AXDND1: variants seen among roughly 807,000 people sequenced by gnomAD.
AXDND1 encodes axonemal dynein light chain domain-containing protein 1.
AXDND1 carries 110 observed loss-of-function variants against 137.5 expected under a neutral mutation model. The ratio of observed to expected loss-of-function variants is 0.80; its 90% confidence interval spans 0.69 to 0.94. The LOEUF (loss-of-function observed/expected upper bound fraction) is 0.94, where lower values mean the gene tolerates loss of function less well. Ranked by LOEUF, AXDND1 falls within the 40% of genes least tolerant of loss-of-function variation. AXDND1 has a pLI of 0.00. For missense variants in AXDND1, 1,191 were observed against 1,169.8 expected (o/e 1.02, Z -0.26); for synonymous variants, 414 against 399.7 (o/e 1.04, Z -0.43).
intron 11 of AXDND1, among the ~76,000 whole-genome samples, chr1:179,408,135 C>G (rs957498500): frequency 3.3e-5 from 5 of 152,058 alleles, no homozygotes; most frequent in Non-Finnish European, 5.9e-5. Flanking sequence ...TGATACCTGT[C>G]TCTGTTGAGT....
intron 17 of AXDND1, among the ~76,000 whole-genome samples, chr1:179,476,823 A>G (rs1270648521): frequency 4.6e-5 from 7 of 152,174 alleles, no homozygotes; most frequent in Admixed American, 3.9e-4. Context: ...TCTCATATAT[A>G]AGTTTGTAGA....
At chr1:179,478,412 T>G (rs983792401) in intron 17 of AXDND1, among the ~76,000 whole-genome samples, 1 of 152,262 alleles carries the variant, frequency 6.6e-6, no homozygotes, top group Non-Finnish European at 1.5e-5. Flanking sequence ...GATTTTTGGC[T>G]TCTGTGCATC....
chr1:179,455,053 G>A (rs113179545), intron 16 of AXDND1: 9,273 of 149,748 alleles, frequency 0.062, 336 homozygotes, highest in African/African-American at 0.069. Context: ...CGGAGATCGT[G>A]CCACTGCACT....
chr1:179,526,216 C>T (rs1161651982), intron 22 of AXDND1, among the ~76,000 whole-genome samples: 4 of 151,974 alleles, frequency 2.6e-5, no homozygotes, highest in African/African-American at 4.8e-5. Context: ...TCTCAACCCC[C>T]GCAGGGGCAT....
In AXDND1 at chr1:179,414,570, C is replaced by A. The variant is rs553705851; in HGVS notation, c.1230+3304C>A. Among the ~76,000 whole-genome samples, 25 of 152,166 alleles carry A rather than the reference C, an allele frequency of 1.6e-4. 1 individual carries two copies. In the South Asian group the frequency reaches 2.5e-3, roughly 15 times the overall value. ...CCTCCTGTGTAGCTGGGACTACAGGCGCCCGCCACCTCGCCTGGCTAATTT... is the reference window on the plus strand; with the variant it reads ...CCTCCTGTGTAGCTGGGACTACAGGAGCCCGCCACCTCGCCTGGCTAATTT... On this transcript the variant is annotated intron_variant, in intron 12 of 25. Transcript: ENST00000367618.
chr1:179,456,992 T>C, intron 16 of AXDND1: 1 of 1,568,380 alleles, frequency 6.4e-7, no homozygotes, highest in Non-Finnish European at 8.7e-7. Flanking sequence ...TTCTTCAGTG[T>C]CTTCTTTAAT....
chr1:179,457,829 T>A (rs1311884531), intron 16 of AXDND1, among the ~76,000 whole-genome samples: 2 of 152,184 alleles, frequency 1.3e-5, no homozygotes, highest in Non-Finnish European at 2.9e-5. Context: ...CGTTTTACTT[T>A]CAGCCATGGA....
chr1:179,489,057 G>A (rs528869240), intron 18 of AXDND1, among the ~76,000 whole-genome samples: 2 of 131,896 alleles, frequency 1.5e-5, no homozygotes, highest in South Asian at 4.3e-4. Flanking sequence ...TATCAGCTAA[G>A]AAGTGGCTAA....
intron 21 of AXDND1, among the ~76,000 whole-genome samples, chr1:179,510,322 C>G (rs1668914879): frequency 6.6e-6 from 1 of 152,118 alleles, no homozygotes; most frequent in South Asian, 2.1e-4. Context: ...GCGTTCTCCT[C>G]CAGTAAATTC....
chr1:179,445,324 C>A, intron 16 of AXDND1, 120 bp downstream of exon 16: 1 of 697,138 alleles, frequency 1.4e-6, no homozygotes. Flanking sequence ...AAAAACCAAG[C>A]AAAATAAGCA....
At position 179,439,925 on chromosome 1, in the gene AXDND1, G is replaced by A. The variant is rs564576597; in HGVS notation, c.1564-5045G>A. 8.5e-5 allele frequency among the ~76,000 whole-genome samples: 13 copies of A among 152,282 alleles called. No homozygotes were observed. The East Asian group carries it at 1.2e-3, about 14-fold the overall frequency. On this transcript the variant is annotated intron_variant, in intron 15 of 25. Transcript: ENST00000367618. The stretch of plus-strand genomic sequence containing the variant: ...AACACAAGCATACCCTTGTCCCTAC[G>A]TCAGTAAATCCACTGGACCTTTCCA...
intron 25 of AXDND1, among the ~76,000 whole-genome samples, chr1:179,540,574 C>G (rs1672030879): frequency 6.6e-6 from 1 of 152,194 alleles, no homozygotes; most frequent in Non-Finnish European, 1.5e-5. Context: ...AGCTTCGTCC[C>G]AGAGGGGCAC....
intron 11 of AXDND1, among the ~76,000 whole-genome samples, chr1:179,397,737 T>C (rs1651295515): frequency 1.3e-5 from 2 of 152,248 alleles, no homozygotes; most frequent in Non-Finnish European, 2.9e-5. Flanking sequence ...AGAAAACCAG[T>C]CTTCAAGTTC....
intron 17 of AXDND1, among the ~76,000 whole-genome samples, chr1:179,475,635 A>G (rs1016723558): frequency 3.3e-5 from 5 of 151,950 alleles, no homozygotes; most frequent in Non-Finnish European, 7.4e-5. Flanking sequence ...TGTTTTTTTT[A>G]TTTTACAGGC....
At chr1:179,436,590 A>G (rs1197613985) in intron 15 of AXDND1, among the ~76,000 whole-genome samples, 1 of 152,190 alleles carries the variant, frequency 6.6e-6, no homozygotes, top group Admixed American at 6.5e-5. Context: ...TAACACAGGA[A>G]CAGAAAACAA....
chr1:179,428,900 C>T (rs12124728), intron 12 of AXDND1, among the ~76,000 whole-genome samples: 18,409 of 152,118 alleles, frequency 0.12, 1,299 homozygotes, highest in East Asian at 0.35. Flanking sequence ...TACTTTCTGC[C>T]GGGCGTGGTG....
intron 21 of AXDND1, among the ~76,000 whole-genome samples, chr1:179,517,904 C>T (rs1669694131): frequency 6.6e-6 from 1 of 152,222 alleles, no homozygotes; most frequent in Non-Finnish European, 1.5e-5. Context: ...TAAAATTTCT[C>T]ACGTGAGCCT....
chr1:179,445,267 C>T (rs1659573828), intron 16 of AXDND1, 63 bp downstream of exon 16: 1 of 1,105,544 alleles, frequency 9.0e-7, no homozygotes. Flanking sequence ...TAATTATTTT[C>T]AATACAATGA....
chr1:179,525,474 C>T (rs1197026504), intron 22 of AXDND1, 27 bp downstream of exon 22: 4 of 1,546,894 alleles, frequency 2.6e-6, no homozygotes, highest in Non-Finnish European at 3.5e-6. Flanking sequence ...TTTGTTTTTC[C>T]TCCTACATAC....
Sources: gnomAD v4.1 joint callset for allele counts (sites outside exome capture counted in the v4.1 genomes callset) on GRCh38, gnomAD v4.1.1 for gene constraint, MANE v1.5 for transcripts, NCBI Gene and HGNC (gene_info 2026-07-23, HGNC 2026-07-21) for gene names.